Variants in KIF12 observed in about 807,000 individuals in gnomAD.
KIF12 encodes kinesin family member 12.
In KIF12, 80 loss-of-function variants were observed where a neutral mutation model predicts 87.9. The observed-to-expected ratio is 0.91, with a 90% CI of 0.76 to 1.10. The LOEUF (loss-of-function observed/expected upper bound fraction) is 1.10, where lower values mean the gene tolerates loss of function less well. KIF12 is among the 50% of genes least tolerant of loss of function. The pLI, the probability that KIF12 is intolerant of heterozygous loss-of-function variation, is 0.00. For missense variants in KIF12, 819 were observed against 865.3 expected (o/e 0.95, Z 0.67); for synonymous variants, 353 against 348.5 (o/e 1.01, Z -0.14).
Position 114,098,158 on chromosome 9 carries a change from G to T in KIF12, c.332C>A (p.Thr111Lys), listed in dbSNP as rs1378588225. Residue 111 changes from threonine (T) to lysine (K), a missense_variant, in exon 5 of 19, where the codon ACG (threonine) becomes AAG (lysine). Coordinates refer to ENST00000640217, the MANE Select transcript of KIF12 (RefSeq NM_001388308.1). ...CAGGGTGTAGGTCTTCCCAGAGCCCGTCTGGCCAAAGGTGAAAACAGTGCA... is the reference window on the plus strand; with the variant it reads ...CAGGGTGTAGGTCTTCCCAGAGCCCTTCTGGCCAAAGGTGAAAACAGTGCA... ...FSCTVFTFGQ[T>K]GSGKTYTLTG... 1 of 1,548,588 alleles carries T rather than the reference G, an allele frequency of 6.5e-7. No homozygotes were observed. The highest frequency in any genetic ancestry group is 1.2e-5 in the South Asian group (1 of 83,986).
At chr9:114,092,125 C>CCCCCCCAAAACCA in intron 18 of KIF12, 125 bp from the exon 19 acceptor site, 1 of 1,432,896 alleles carries the variant, frequency 7.0e-7, no homozygotes, top group Non-Finnish European at 9.2e-7. Context: ...CCCCCCACCC[C>CCCCCCCAAAACCA]ACCCCCATAC....
In KIF12 at chr9:114,098,207, C is replaced by T. The variant is rs1218388371; in HGVS notation, c.300-17G>A. The stretch of plus-strand genomic sequence containing the variant: ...CAGGAGAAACTGCGGGCGGCAAGGG[C>T]GTGGCTGGACTCCGGCGGCTACCCG... On this transcript the variant is annotated splice_polypyrimidine_tract_variant and intron_variant, in intron 4 of 18. Transcript: ENST00000640217. 6 of 1,538,872 alleles carry T rather than the reference C, an allele frequency of 3.9e-6. No individual in the cohort carries two copies. The highest frequency in any genetic ancestry group is 5.2e-6 in the Non-Finnish European group (6 of 1,143,426).
rs1386441671 is a variant in KIF12 at position 114,098,980 on chromosome 9, T to C, written c.126A>G (p.Arg42=). The C allele has an allele frequency of 9.7e-6, 15 of 1,550,118 alleles. No individual in the cohort carries two copies. The highest frequency in any genetic ancestry group is 2.4e-5 in the South Asian group (2 of 84,056). The change falls in exon 3 of 19, where the codon CGA becomes CGG. Residue 42 remains arginine (R), a synonymous_variant. Transcript: ENST00000640217. ...AGCAGTGCAGCACGCTCTGCTGCCCTCGACGCAGCTCGGCCGCGCTCATGG... is the reference window on the plus strand; with the variant it reads ...AGCAGTGCAGCACGCTCTGCTGCCCCCGACGCAGCTCGGCCGCGCTCATGG... ...VRPMSAAELR[R]GQQSVLHCSG...
chr9:114,096,355 G>A (rs369984638), intron 8 of KIF12, 32 bp downstream of exon 8: 85 of 1,604,478 alleles, frequency 5.3e-5, no homozygotes, highest in Non-Finnish European at 6.1e-5. Flanking sequence ...TGGTGGCCCC[G>A]GGTAAGCACC....
At position 114,095,313 on chromosome 9, in the gene KIF12, C is replaced by G. The variant is rs1006894475; in HGVS notation, c.915G>C (p.Leu305=). Residue 305 remains leucine, a synonymous_variant, in exon 10 of 19, where the codon CTG becomes CTC. Transcript: ENST00000640217. ...GGCTCTGCTTCCGCTGTGGGTCCAG[C>G]AGCAGGGAGATGCAGTGACCTGGGG... ...LLALGHCISL[L]LDPQRKQSHI... 1 of 1,613,524 alleles carries G rather than the reference C, an allele frequency of 6.2e-7. No individual in the cohort carries two copies. Among genetic ancestry groups the G allele is most frequent in the Non-Finnish European group, 8.5e-7 (1 of 1,180,008 alleles).
chr9:114,096,564 G>A (rs1332619184), intron 7 of KIF12, 86 bp from the exon 8 acceptor site: 24 of 1,167,374 alleles, frequency 2.1e-5, no homozygotes, highest in South Asian at 4.0e-5. Context: ...GAATCCTGGC[G>A]GAAGGGTCAG....
intron 5 of KIF12, 41 bp downstream of exon 5, chr9:114,098,074 C>A: frequency 6.5e-7 from 1 of 1,533,534 alleles, no homozygotes; most frequent in Non-Finnish European, 8.8e-7. Flanking sequence ...TTCCAGCCCA[C>A]CCAGCCCCGC....
Position 114,098,325 on chromosome 9 carries a change from G to GCGCCGCA in KIF12, c.269_275dup (p.Leu93AlafsTer79), listed in dbSNP as rs1366448348. ...ACCCGCGCAGCGCCAGCTCCCCCAGGCGCCGCACGCCGCACGCCCGGAACA... is the reference window on the plus strand; with the variant it reads ...ACCCGCGCAGCGCCAGCTCCCCCAGGCGCCGCACGCCGCACGCCGCACGCCCGGAACA... On this transcript the variant is annotated frameshift_variant, in exon 4 of 19. Coordinates refer to ENST00000640217, the MANE Select transcript of KIF12 (RefSeq NM_001388308.1). LOFTEE classifies it high-confidence loss of function. 29 of 1,473,256 alleles carry GCGCCGCA rather than the reference G, an allele frequency of 2.0e-5. No individual in the cohort carries two copies. The highest frequency in any genetic ancestry group is 2.7e-5 in the South Asian group (2 of 73,130). 91.3% of individuals were successfully genotyped at this position (1,473,256 alleles called of 1,614,324 possible). A position where few individuals can be genotyped will look rare whatever the true frequency, so the allele number is the denominator to read the frequency against.
Position 114,097,588 on chromosome 9 carries a change from A to C in KIF12, c.510+19T>G. The C allele has an allele frequency of 2.5e-6, 4 of 1,613,550 alleles. No individual in the cohort carries two copies. Among genetic ancestry groups the C allele is most frequent in the Non-Finnish European group, 3.4e-6 (4 of 1,179,756 alleles). On this transcript the variant is annotated intron_variant, in intron 6 of 18. Transcript: ENST00000640217. ...CCGTTTCCTCATGGGCTGTCTTTCT[A>C]TTCCTCTCATTCCCTTACCTGCTCA...
chr9:114,091,807 G>C lies in KIF12; in HGVS notation c.*54C>G. The C allele has an allele frequency of 1.3e-6, 2 of 1,517,070 alleles. No individual in the cohort carries two copies. Among genetic ancestry groups the C allele is most frequent in the Middle Eastern group, 1.9e-4 (1 of 5,354 alleles). The allele number at this position is 1,517,070 out of a possible 1,614,324, so 94.0% of individuals were successfully genotyped here. ...CAGATGGGCAGACTGAAGCCCAAGA[G>C]TGTGGAGCCCAGTCTGAGGTCACAC... On this transcript the variant is annotated 3_prime_UTR_variant, in exon 19 of 19. Coordinates refer to ENST00000640217, the MANE Select transcript of KIF12 (RefSeq NM_001388308.1).
chr9:114,094,363 C>A lies in KIF12; in HGVS notation c.1212G>T (p.Met404Ile). 6.2e-7 allele frequency: 1 copy of A among 1,613,630 alleles called. No individual in the cohort carries two copies. Reference sequence around the variant, plus strand: ...CCAGGAAGCCCATACCCTTGCAGTCCATTTGGTCCAGCTGGAACTGCAGGC... The same window carrying A: ...CCAGGAAGCCCATACCCTTGCAGTCAATTTGGTCCAGCTGGAACTGCAGGC... ...NRRLQFQLDQMDCKASGLSGA... is the reference protein window; with the variant it reads ...NRRLQFQLDQIDCKASGLSGA... Residue 404 changes from methionine (M) to isoleucine (I), a missense_variant, in exon 12 of 19, where the codon ATG (methionine) becomes ATT (isoleucine). Physicochemically the swap from Met to Ile is conservative, Grantham distance 10. Transcript: ENST00000640217.
In KIF12 at chr9:114,096,479, C is replaced by A. The variant is rs1847236696; in HGVS notation, c.647-1G>T. ...GCTGAGTTCCTTCGACGGCTGAGACCTGGAAGGGAAAAACATCAGGAGCTG... is the reference window on the plus strand; with the variant it reads ...GCTGAGTTCCTTCGACGGCTGAGACATGGAAGGGAAAAACATCAGGAGCTG... On this transcript the variant is annotated splice_acceptor_variant, in intron 7 of 18. Transcript: ENST00000640217. LOFTEE classifies it high-confidence loss of function. The A allele has an allele frequency of 6.2e-7, 1 of 1,606,546 alleles. No homozygotes were observed. The highest frequency in any genetic ancestry group is 1.3e-5 in the African/African-American group (1 of 74,798).
intron 5 of KIF12, 96 bp downstream of exon 5, chr9:114,098,019 G>T (rs1332863979): frequency 4.0e-6 from 5 of 1,251,262 alleles, no homozygotes; most frequent in Non-Finnish European, 3.3e-6. Context: ...CGTCGTCCCA[G>T]CCCCTTCCCT....
In KIF12 at chr9:114,096,209, T is replaced by G. The variant is rs757643289; in HGVS notation, c.739-2A>C. On this transcript the variant is annotated splice_acceptor_variant, in intron 8 of 18. Transcript: ENST00000640217. LOFTEE classifies it high-confidence loss of function. Reference sequence around the variant, plus strand: ...GTCCACAGAAGGCATCTGCTGGGCCTGAGGGATCAGAGCTTCATGGGGACT... The same window carrying G: ...GTCCACAGAAGGCATCTGCTGGGCCGGAGGGATCAGAGCTTCATGGGGACT... 2.5e-6 allele frequency: 4 copies of G among 1,613,602 alleles called. No homozygotes were observed. The highest frequency in any genetic ancestry group is 3.4e-6 in the Non-Finnish European group (4 of 1,179,816).
At chr9:114,098,676 AGGGGCGGGGCATTCTGGGG>A (rs1164319596) in intron 3 of KIF12, among the ~76,000 whole-genome samples, 1 of 10,580 alleles carries the variant, frequency 9.5e-5, no homozygotes, top group African/African-American at 4.9e-4. Flanking sequence ...GACACCCTGG[AGGGGCGGGGCATTCTGGGG>A]GGGGCGGGCA....
At position 114,094,291 on chromosome 9, in the gene KIF12, G is replaced by C. The variant is rs1165748609; in HGVS notation, c.1223-20C>G. The C allele has an allele frequency of 6.2e-7, 1 of 1,612,948 alleles. No individual in the cohort carries two copies. Among genetic ancestry groups the C allele is most frequent in the Admixed American group, 1.7e-5 (1 of 60,022 alleles). ...CTGAGGCTGCAGGGAAGCAGGAGGT[G>C]GTGGATCCACAGGAGCCCCAGACCC... On this transcript the variant is annotated intron_variant, in intron 12 of 18. Transcript: ENST00000640217.
intron 16 of KIF12, 120 bp downstream of exon 16, chr9:114,093,109 A>G: frequency 1.7e-6 from 2 of 1,167,948 alleles, no homozygotes; most frequent in South Asian, 1.3e-5. Context: ...TAGGCCAGCC[A>G]TTCACTCCCC....
Position 114,098,987 on chromosome 9 carries a change from A to G in KIF12, c.119T>C (p.Leu40Pro). 6.5e-7 allele frequency: 1 copy of G among 1,550,254 alleles called. No individual in the cohort carries two copies. The highest frequency in any genetic ancestry group is 8.7e-7 in the Non-Finnish European group (1 of 1,146,804). Reference sequence around the variant, plus strand: ...CAGCACGCTCTGCTGCCCTCGACGCAGCTCGGCCGCGCTCATGGGACGTAC... The same window carrying G: ...CAGCACGCTCTGCTGCCCTCGACGCGGCTCGGCCGCGCTCATGGGACGTAC... ...LRVRPMSAAELRRGQQSVLHC... is the reference protein window; with the variant it reads ...LRVRPMSAAEPRRGQQSVLHC... Residue 40 changes from leucine to proline, a missense_variant, in exon 3 of 19, where the codon CTG (leucine) becomes CCG (proline). Physicochemically the swap from Leu to Pro is moderately conservative, Grantham distance 98 (BLOSUM62 -3). Transcript: ENST00000640217.
At position 114,095,962 on chromosome 9, in the gene KIF12, C is replaced by T. The variant is rs1041474588; in HGVS notation, c.895+89G>A. On this transcript the variant is annotated intron_variant, in intron 9 of 18. Coordinates refer to ENST00000640217, the MANE Select transcript of KIF12 (RefSeq NM_001388308.1). ...CTCTTTAACCCTCTTCTATTTACTA[C>T]AACTCCTCTGGTATCCCCCACTGTG... 4 of 1,412,574 alleles carry T rather than the reference C, an allele frequency of 2.8e-6. No homozygotes were observed. In the South Asian group the frequency reaches 4.2e-5, roughly 15 times the overall value. 87.5% of individuals were successfully genotyped at this position (1,412,574 alleles called of 1,614,324 possible).
Sources: gnomAD v4.1 joint callset for allele counts (sites outside exome capture counted in the v4.1 genomes callset) on GRCh38, gnomAD v4.1.1 for gene constraint, MANE v1.5 for transcripts, NCBI Gene and HGNC (gene_info 2026-07-23, HGNC 2026-07-21) for gene names.